Variants in VWF observed in about 807,000 individuals in gnomAD.
VWF encodes the protein Factor VIII related antigen.
Under a neutral mutation model 308.6 loss-of-function variants are expected in VWF, and 176 were observed. The ratio of observed to expected loss-of-function variants is 0.57; its 90% CI spans 0.50 to 0.65. The LOEUF (loss-of-function observed/expected upper bound fraction) is 0.65. VWF is among the 30% of genes least tolerant of loss of function. The probability of loss-of-function intolerance (pLI) is 0.00; values close to 1 mark genes in which losing one functional copy is unlikely to be tolerated. For missense variants in VWF, 3,146 were observed against 3,648.2 expected (o/e 0.86, Z 3.55); for synonymous variants, 1,385 against 1,443.4 (o/e 0.96, Z 0.92).
Position 6,123,138 on chromosome 12 carries a change from C to G in VWF, c.55+4G>C, listed in dbSNP as rs1300953586. On this transcript the variant is annotated splice_donor_region_variant and intron_variant, in intron 2 of 51. Coordinates refer to ENST00000261405, the MANE Select transcript of VWF (RefSeq NM_000552.5). The stretch of plus-strand genomic sequence containing the variant: ...ATGAGAAATGGAGGCCCTTTTGTAC[C>G]TACCTGGCAAAATGAGGGCCAGAGC... The G allele has an allele frequency of 6.2e-7, 1 of 1,614,086 alleles. No individual in the cohort carries two copies. The highest frequency in any genetic ancestry group is 8.5e-7 in the Non-Finnish European group (1 of 1,180,048).
chr12:6,113,705 A>G (rs1447996928), intron 3 of VWF, among the ~76,000 whole-genome samples: 1 of 152,248 alleles, frequency 6.6e-6, no homozygotes, highest in South Asian at 2.1e-4. Flanking sequence ...CAAAATTTCC[A>G]TAAGAAAATG....
intron 34 of VWF, among the ~76,000 whole-genome samples, chr12:6,001,497 A>T (rs961903068): frequency 2.0e-5 from 3 of 152,218 alleles, no homozygotes; most frequent in Non-Finnish European, 4.4e-5. Flanking sequence ...AGCCAAAAAA[A>T]AGATTAAATG....
At chr12:6,114,561 A>G (rs1309911360) in intron 3 of VWF, among the ~76,000 whole-genome samples, 1 of 152,222 alleles carries the variant, frequency 6.6e-6, no homozygotes, top group African/African-American at 2.4e-5. Context: ...CTGTCCACAC[A>G]GGCTGCGGGG....
intron 6 of VWF, among the ~76,000 whole-genome samples, chr12:6,079,028 T>A (rs1008225786): frequency 6.6e-6 from 1 of 152,210 alleles, no homozygotes. Context: ...GCCTCCACTG[T>A]ACAAACTTCT....
intron 10 of VWF, among the ~76,000 whole-genome samples, chr12:6,067,417 C>T (rs1048435263): frequency 1.1e-4 from 16 of 152,264 alleles, no homozygotes; most frequent in African/African-American, 2.9e-4. Context: ...GAAGGGTCAA[C>T]GAGAAATGTG....
At chr12:6,030,514 T>C (rs138185476) in intron 21 of VWF, among the ~76,000 whole-genome samples, 201 of 152,234 alleles carry the variant, frequency 1.3e-3, no homozygotes, top group African/African-American at 4.7e-3. Context: ...GCACTCCACA[T>C]AGTCAAAGCA....
Position 6,018,854 on chromosome 12 carries a change from C to G in VWF, c.4564G>C (p.Glu1522Gln). 6.2e-7 allele frequency: 1 copy of G among 1,613,988 alleles called. No homozygotes were observed. The highest frequency in any genetic ancestry group is 1.7e-5 in the Admixed American group (1 of 60,024). ...ADFNRSKEFM[E>Q]EVIQRMDVGQ... ...ACATCCATCCGCTGAATCACCTCCT[C>G]CATGAACTCCTTGCTCCTGTTGAAG... is the stretch of plus-strand genomic sequence containing the variant. Residue 1522 changes from glutamate to glutamine, a missense_variant, in exon 28 of 52, where the codon GAG (glutamate) becomes CAG (glutamine). Coordinates refer to ENST00000261405, the MANE Select transcript of VWF (RefSeq NM_000552.5).
rs181452677 is a variant in VWF, at chr12:6,029,382, C to T, written c.2927G>A (p.Arg976His). 7.4e-5 allele frequency: 120 copies of T among 1,614,126 alleles called. No homozygotes were observed. Among genetic ancestry groups the T allele is most frequent in the East Asian group, 2.9e-4 (13 of 44,878 alleles). ...LGKALSVVWD[R>H]HLSISVVLKQ... is the part of the protein sequence containing the mutation. ...CAGGACCACGGAGATGCTCAGGTGG[C>T]GGTCCCAGACCACGGAGAGGGCTTT... Residue 976 changes from arginine (R) to histidine (H), a missense_variant, in exon 22 of 52, where the codon CGC (arginine) becomes CAC (histidine). Arg to His is a conservative substitution (Grantham distance 29, BLOSUM62 0). This residue lies in a region of VWF where 1,304 missense variants were observed against 1,353.0 expected (regional missense o/e 0.96). Coordinates refer to ENST00000261405, the MANE Select transcript of VWF (RefSeq NM_000552.5).
chr12:6,019,411 C>T lies in VWF; in HGVS notation c.4007G>A (p.Arg1336Gln), dbSNP rs886049741. ...GGCAATGCGCCGCAGCTCTGACGGTCGCTTCCGGTCCTTGAGCCCGATGTA... is the reference window on the plus strand; with the variant it reads ...GGCAATGCGCCGCAGCTCTGACGGTTGCTTCCGGTCCTTGAGCCCGATGTA... ...HAYIGLKDRKRPSELRRIASQ... is the reference protein window; with the variant it reads ...HAYIGLKDRKQPSELRRIASQ... Residue 1336 changes from arginine to glutamine, a missense_variant, in exon 28 of 52, where the codon CGA (arginine) becomes CAA (glutamine). By Grantham distance (43) the Arg-to-Gln change is conservative (BLOSUM62 1). This residue lies in a region of VWF where 853 missense variants were observed against 1,177.8 expected (regional missense o/e 0.72). Coordinates refer to ENST00000261405, the MANE Select transcript of VWF (RefSeq NM_000552.5). This position sits in a 1 kb window ranked among gnomAD's most constrained non-coding sequence, Gnocchi z 5.8. 22 of 1,613,820 alleles carry T rather than the reference C, an allele frequency of 1.4e-5. No homozygotes were observed. Among genetic ancestry groups the T allele is most frequent in the East Asian group, 2.2e-5 (1 of 44,890 alleles).
chr12:6,034,787 C>G lies in VWF; in HGVS notation c.2586G>C (p.Val862=). ...QDRKWNCTDH[V]CDATCSTIGM... ...CGATCGTGGAGCACGTGGCATCACA[C>G]ACATGGTCTGTGCAGTTCCACTTCC... Residue 862 remains valine (V), a synonymous_variant, in exon 20 of 52, where the codon GTG becomes GTC. Coordinates refer to ENST00000261405, the MANE Select transcript of VWF (RefSeq NM_000552.5). 1 of 1,614,248 alleles carries G rather than the reference C, an allele frequency of 6.2e-7. No individual in the cohort carries two copies. Among genetic ancestry groups the G allele is most frequent in the Non-Finnish European group, 8.5e-7 (1 of 1,180,050 alleles).
chr12:6,052,120 G>A (rs536466485), intron 16 of VWF, among the ~76,000 whole-genome samples: 1 of 152,220 alleles, frequency 6.6e-6, no homozygotes. Flanking sequence ...AAGCAGGTCA[G>A]GGTAGCAATG....
chr12:6,059,729 T>C (rs1944632685), intron 13 of VWF, among the ~76,000 whole-genome samples: 1 of 152,160 alleles, frequency 6.6e-6, no homozygotes, highest in Non-Finnish European at 1.5e-5. Context: ...TTTCAACATA[T>C]AAATTTGGGG....
chr12:6,054,880 A>G (rs1249369578), intron 15 of VWF, among the ~76,000 whole-genome samples: 2 of 152,174 alleles, frequency 1.3e-5, no homozygotes, highest in South Asian at 2.1e-4. Context: ...GCTGAGCCTG[A>G]GCTCTTCTCC....
Position 5,981,786 on chromosome 12 carries a change from C to T in VWF, c.7287G>A (p.Lys2429=). 6.2e-7 allele frequency: 1 copy of T among 1,613,992 alleles called. No individual in the cohort carries two copies. Among genetic ancestry groups the T allele is most frequent in the Non-Finnish European group, 8.5e-7 (1 of 1,180,008 alleles). Residue 2429 remains lysine, a splice_region_variant and synonymous_variant, in exon 42 of 52, where the codon AAG becomes AAA. Transcript: ENST00000261405. ...TAGTTAATAGCCAAGCAGTCCTTAC[C>T]TTGTCGGGAAGGCAGGTGGTTGTGG... The part of the protein sequence containing the change: ...GCTTTTCLPD[K]VCVHRSTIYP...
intron 6 of VWF, among the ~76,000 whole-genome samples, chr12:6,092,802 T>C (rs1483221912): frequency 6.6e-6 from 1 of 152,056 alleles, no homozygotes; most frequent in Admixed American, 6.6e-5. Flanking sequence ...CTAATTTTAA[T>C]GCATTTAAAT....
intron 2 of VWF, 31 bp from the exon 3 acceptor site, chr12:6,121,369 G>C (rs146014569): frequency 6.2e-7 from 1 of 1,611,126 alleles, no homozygotes; most frequent in African/African-American, 1.3e-5. Flanking sequence ...TTGGGCTGGT[G>C]ATCTCAGGGC....
At chr12:6,000,820 A>C (rs1160733470) in intron 34 of VWF, among the ~76,000 whole-genome samples, 5 of 151,354 alleles carry the variant, frequency 3.3e-5, no homozygotes, top group Non-Finnish European at 5.9e-5. Context: ...TCAAAAAAAA[A>C]AAAAAAAAAA....
intron 6 of VWF, among the ~76,000 whole-genome samples, chr12:6,076,601 A>T (rs145916061): frequency 2.0e-5 from 3 of 152,312 alleles, no homozygotes; most frequent in Non-Finnish European, 2.9e-5. Flanking sequence ...TCATGAAAAA[A>T]CTTATGATCT....
At chr12:5,954,249 C>T (rs1204840532) in intron 47 of VWF, among the ~76,000 whole-genome samples, 2 of 152,228 alleles carry the variant, frequency 1.3e-5, no homozygotes, top group African/African-American at 4.8e-5. Context: ...TTAAAGCCTA[C>T]GTCTACTCTT....
Sources: allele counts gnomAD v4.1 joint callset (sites outside exome capture counted in the v4.1 genomes callset), GRCh38; gene constraint gnomAD v4.1.1; regional missense constraint gnomAD v4.1.1; non-coding constraint Gnocchi (gnomAD v3.1); transcripts MANE v1.5; gene names NCBI Gene and HGNC (gene_info 2026-07-23, HGNC 2026-07-21).